The following MACROD2 variants were observed in gnomAD, a reference collection of about 807,000 sequenced individuals.
MACROD2 encodes the protein ADP-ribose glycohydrolase MACROD2.
MACROD2 carries 36 observed loss-of-function variants against 70.4 expected under a neutral mutation model. That is an observed-to-expected ratio of 0.51 (90% confidence interval 0.39 to 0.68). The LOEUF (loss-of-function observed/expected upper bound fraction) is 0.68. Among genes scored for constraint, MACROD2 ranks in the 30% least tolerant of loss-of-function variants. The pLI is 0.00. For missense variants in MACROD2, 496 were observed against 538.4 expected (o/e 0.92, Z 0.78); for synonymous variants, 172 against 178.8 (o/e 0.96, Z 0.30).
At chr20:16,044,546 AC>A in intron 16 of MACROD2, 24 bp from the exon 17 acceptor site, 9 of 1,425,530 alleles carry the variant, frequency 6.3e-6, no homozygotes, top group Non-Finnish European at 8.9e-6. Flanking sequence ...TGAATATTTA[AC>A]TTTTTTTTTT....
intron 3 of MACROD2, among the ~76,000 whole-genome samples, chr20:14,360,654 T>C (rs2083212756): frequency 6.6e-6 from 1 of 152,228 alleles, no homozygotes; most frequent in Admixed American, 6.5e-5. Flanking sequence ...TGAATTATCA[T>C]GGTTATCAAA....
chr20:14,656,526 G>A (rs988666652), intron 4 of MACROD2, among the ~76,000 whole-genome samples: 2 of 152,184 alleles, frequency 1.3e-5, no homozygotes, highest in Admixed American at 1.3e-4. Flanking sequence ...ATATAGGTTA[G>A]CTGGTTTATT....
intron 3 of MACROD2, among the ~76,000 whole-genome samples, chr20:14,399,901 G>A (rs1365922516): frequency 6.6e-6 from 1 of 151,898 alleles, no homozygotes; most frequent in African/African-American, 2.4e-5. Context: ...TGTATTCTCA[G>A]TTCTAGAATT....
At chr20:14,937,582 A>G (rs1568886188) in intron 5 of MACROD2, among the ~76,000 whole-genome samples, 1 of 150,964 alleles carries the variant, frequency 6.6e-6, no homozygotes, top group Non-Finnish European at 1.5e-5. Context: ...TTGAGGTAAC[A>G]TGTGATAATG....
In MACROD2 at chr20:15,132,152, C is replaced by G. The variant is rs181393786; in HGVS notation, c.419-97788C>G. Among the ~76,000 whole-genome samples the G allele has an allele frequency of 3.2e-4, 49 of 152,034 alleles. 1 individual carries two copies. Among genetic ancestry groups the G allele is most frequent in the Admixed American group, 2.7e-3 (41 of 15,266 alleles). The stretch of plus-strand genomic sequence containing the variant: ...AAAACTCAGTGTATGATAAAAGTTG[C>G]AATTCACAATGTGACTATAATTGTA... On this transcript the variant is annotated intron_variant, in intron 5 of 17. Coordinates refer to ENST00000684519, the MANE Select transcript of MACROD2 (RefSeq NM_001351661.2).
At chr20:15,058,905 C>T (rs1407683449) in intron 5 of MACROD2, among the ~76,000 whole-genome samples, 1 of 152,158 alleles carries the variant, frequency 6.6e-6, no homozygotes, top group Non-Finnish European at 1.5e-5. Flanking sequence ...AAGGAAGTGA[C>T]CCTTTCTACA....
chr20:15,849,651 C>A (rs1303666965), intron 8 of MACROD2, among the ~76,000 whole-genome samples: 1 of 152,170 alleles, frequency 6.6e-6, no homozygotes, highest in Non-Finnish European at 1.5e-5. Context: ...AATGACAATT[C>A]TTCCTTGAAA....
intron 2 of MACROD2, among the ~76,000 whole-genome samples, chr20:14,009,027 C>G (rs1386731385): frequency 6.6e-6 from 1 of 152,150 alleles, no homozygotes; most frequent in Non-Finnish European, 1.5e-5. Context: ...TGGAAGACAA[C>G]ATACGCAGTA....
intron 4 of MACROD2, among the ~76,000 whole-genome samples, chr20:14,570,562 TC>T (rs900440477): frequency 1.6e-4 from 24 of 152,018 alleles, no homozygotes; most frequent in East Asian, 1.2e-3. Flanking sequence ...CATTTTTTTT[TC>T]CCCATGGTAA....
intron 8 of MACROD2, among the ~76,000 whole-genome samples, chr20:15,752,671 T>C (rs754964324): frequency 2.0e-5 from 3 of 152,164 alleles, no homozygotes; most frequent in Non-Finnish European, 4.4e-5. Context: ...ATTTCTTGTA[T>C]TAAACTTTAT....
chr20:14,787,192 T>C (rs2123794959), intron 5 of MACROD2, among the ~76,000 whole-genome samples: 1 of 152,298 alleles, frequency 6.6e-6, no homozygotes, highest in East Asian at 1.9e-4. Flanking sequence ...TGGTCAGTTT[T>C]TAAGTTTTAA....
chr20:14,753,860 AAT>A (rs756066008), intron 5 of MACROD2, among the ~76,000 whole-genome samples: 1 of 151,434 alleles, frequency 6.6e-6, no homozygotes, highest in East Asian at 1.9e-4. Context: ...GGTACTTACA[AAT>A]ATATATATAT....
At chr20:14,586,651 CA>C (rs1482414391) in intron 4 of MACROD2, among the ~76,000 whole-genome samples, 1 of 152,040 alleles carries the variant, frequency 6.6e-6, no homozygotes, top group Non-Finnish European at 1.5e-5. Context: ...TTAATTGGCA[CA>C]GTTTTGTTCT....
At chr20:15,519,099 C>CTTCT (rs2047611714) in intron 8 of MACROD2, among the ~76,000 whole-genome samples, 1 of 146,618 alleles carries the variant, frequency 6.8e-6, no homozygotes, top group Non-Finnish European at 1.5e-5. Context: ...TCCTTCCTTC[C>CTTCT]TTCCTTCCTT....
At chr20:14,694,659 C>T (rs1313093993) in intron 5 of MACROD2, among the ~76,000 whole-genome samples, 1 of 151,984 alleles carries the variant, frequency 6.6e-6, no homozygotes, top group Non-Finnish European at 1.5e-5. Flanking sequence ...ATGAGCTTTG[C>T]CAATAAACTT....
intron 3 of MACROD2, among the ~76,000 whole-genome samples, chr20:14,171,427 G>A (rs2081219965): frequency 6.6e-6 from 1 of 152,076 alleles, no homozygotes; most frequent in Admixed American, 6.6e-5. Context: ...CTTGAGGTAT[G>A]ACCTTAGATT....
intron 5 of MACROD2, among the ~76,000 whole-genome samples, chr20:15,081,121 G>A (rs2075699893): frequency 6.6e-6 from 1 of 152,012 alleles, no homozygotes; most frequent in Admixed American, 6.6e-5. Context: ...CCAAATCCAG[G>A]CTTTCACTGA....
chr20:14,856,753 G>T (rs114717426), intron 5 of MACROD2, among the ~76,000 whole-genome samples: 331 of 152,190 alleles, frequency 2.2e-3, no homozygotes, highest in African/African-American at 7.4e-3. Flanking sequence ...GCTGGTGTGA[G>T]GACTGCACCT....
chr20:14,799,869 G>A (rs533610777), intron 5 of MACROD2, among the ~76,000 whole-genome samples: 1 of 152,202 alleles, frequency 6.6e-6, no homozygotes, highest in East Asian at 1.9e-4. Context: ...AAATATTCTT[G>A]TCTTCCTATT....
Sources: allele counts gnomAD v4.1 joint callset (sites outside exome capture counted in the v4.1 genomes callset), GRCh38; gene constraint gnomAD v4.1.1; transcripts MANE v1.5; gene names NCBI Gene and HGNC (gene_info 2026-07-23, HGNC 2026-07-21).